SLC39A11: variants seen among roughly 807,000 people sequenced by gnomAD.
SLC39A11 encodes the protein solute carrier family 39 member 11, also known as zinc transporter ZIP11.
SLC39A11 carries 33 observed loss-of-function variants against 36.1 expected under a neutral mutation model. That is an observed-to-expected ratio of 0.91 (90% CI 0.69 to 1.22). The LOEUF is 1.22. Among genes scored for constraint, SLC39A11 ranks in the 50% most tolerant of loss-of-function variants. The pLI is 0.00. For missense variants in SLC39A11, 432 were observed against 430.3 expected, an observed-to-expected ratio of 1.00 and a Z score of -0.03; for synonymous variants, 166 against 170.3, an observed-to-expected ratio of 0.97 and a Z score of 0.20.
intron 5 of SLC39A11, among the ~76,000 whole-genome samples, chr17:72,947,285 G>A (rs1475606109): frequency 6.6e-6 from 1 of 150,920 alleles, no homozygotes; most frequent in Non-Finnish European, 1.5e-5. Context: ...CTGCACTCCA[G>A]CCTGAGCGAC....
At chr17:72,819,552 T>C (rs1223971941) in intron 6 of SLC39A11, among the ~76,000 whole-genome samples, 1 of 151,290 alleles carries the variant, frequency 6.6e-6, no homozygotes, top group African/African-American at 2.4e-5. Context: ...CTTCTCTACT[T>C]CAGGCAGGAA....
At chr17:72,942,475 C>T (rs569087624) in intron 5 of SLC39A11, among the ~76,000 whole-genome samples, 3 of 152,066 alleles carry the variant, frequency 2.0e-5, no homozygotes, top group African/African-American at 7.2e-5. Flanking sequence ...AGAGACTTCC[C>T]CAAACACATT....
At chr17:72,733,875 C>A (rs2074324924) in intron 7 of SLC39A11, among the ~76,000 whole-genome samples, 1 of 152,140 alleles carries the variant, frequency 6.6e-6, no homozygotes, top group Non-Finnish European at 1.5e-5. Context: ...GCAGGGCTGG[C>A]TTCTCTGGAC....
At chr17:73,079,298 T>C (rs1459197132) in intron 3 of SLC39A11, among the ~76,000 whole-genome samples, 2 of 152,152 alleles carry the variant, frequency 1.3e-5, no homozygotes, top group Non-Finnish European at 2.9e-5. Context: ...GGTTTCACCA[T>C]GTTGGTCACG....
rs535263354 is a variant in SLC39A11 at position 72,723,095 on chromosome 17, C to A, written c.671+13555G>T. Among the ~76,000 whole-genome samples the A allele has an allele frequency of 2.0e-5, 3 of 152,282 alleles. No homozygotes were observed. In the East Asian group the frequency reaches 5.8e-4, roughly 29 times the overall value. ...GGGACGTCTTCATTGTCCAACAAAG[C>A]CCAACAGTCTCATAGCCATGGATAC... is the stretch of plus-strand genomic sequence containing the variant. On this transcript the variant is annotated intron_variant, in intron 7 of 9. Transcript: ENST00000255559.
chr17:72,862,998 A>G (rs2080121831), intron 5 of SLC39A11, among the ~76,000 whole-genome samples: 1 of 152,214 alleles, frequency 6.6e-6, no homozygotes, highest in East Asian at 1.9e-4. Flanking sequence ...GGGGAGCTTG[A>G]GCAAAGTGCA....
chr17:72,977,771 T>C (rs1173123619), intron 4 of SLC39A11, among the ~76,000 whole-genome samples: 8 of 152,168 alleles, frequency 5.3e-5, no homozygotes, highest in Admixed American at 3.9e-4. Context: ...GGTAGTGATA[T>C]TATCCAAAGG....
At chr17:72,714,931 G>C (rs1479780808) in intron 7 of SLC39A11, among the ~76,000 whole-genome samples, 1 of 152,190 alleles carries the variant, frequency 6.6e-6, no homozygotes, top group Admixed American at 6.5e-5. Context: ...GAAAAGCATG[G>C]AATCAAGGAT....
chr17:72,985,484 C>G (rs1237396905), intron 4 of SLC39A11, among the ~76,000 whole-genome samples: 1 of 141,706 alleles, frequency 7.1e-6, no homozygotes, highest in Non-Finnish European at 1.5e-5. Context: ...GCCATCTCGG[C>G]TCACTGCAAC....
At chr17:73,051,225 T>C (rs1024417788) in intron 3 of SLC39A11, among the ~76,000 whole-genome samples, 6 of 151,774 alleles carry the variant, frequency 4.0e-5, no homozygotes, top group Non-Finnish European at 8.9e-5. Context: ...CCCTCACCTG[T>C]CTGTTTGTCT....
intron 7 of SLC39A11, among the ~76,000 whole-genome samples, chr17:72,709,893 A>G (rs548173318): frequency 1.3e-5 from 2 of 152,334 alleles, no homozygotes; most frequent in East Asian, 3.9e-4. Context: ...CTTTTCATTA[A>G]ATTCAACTAA....
chr17:72,947,853 G>A lies in SLC39A11; in HGVS notation c.329C>T (p.Thr110Met), dbSNP rs1467847263. The change falls in exon 5 of 10, where the codon ACG (threonine) becomes ATG (methionine). Residue 110 changes from threonine (T) to methionine (M), a missense_variant. Thr to Met is a moderately conservative substitution (Grantham distance 81). Transcript: ENST00000255559. ...PHLGAAEDPQTTLALNFGSTL... is the reference protein window; with the variant it reads ...PHLGAAEDPQMTLALNFGSTL... ...AGAGCCGAAGTTCAGTGCCAGGGTCGTCTGGGGGTCTTCTGCTGCACCCTG... is the reference window on the plus strand; with the variant it reads ...AGAGCCGAAGTTCAGTGCCAGGGTCATCTGGGGGTCTTCTGCTGCACCCTG... 1.5e-5 allele frequency: 24 copies of A among 1,613,844 alleles called. No individual in the cohort carries two copies. The highest frequency in any genetic ancestry group is 4.0e-5 in the African/African-American group (3 of 74,912).
chr17:72,736,371 C>T (rs1018457864), intron 7 of SLC39A11, among the ~76,000 whole-genome samples: 2 of 152,182 alleles, frequency 1.3e-5, no homozygotes, highest in African/African-American at 2.4e-5. Context: ...TTAGTCTTCA[C>T]ACCTTTGAAG....
chr17:72,731,794 T>C (rs896983968), intron 7 of SLC39A11, among the ~76,000 whole-genome samples: 1 of 152,020 alleles, frequency 6.6e-6, no homozygotes, highest in Non-Finnish European at 1.5e-5. Flanking sequence ...TGGCGCGATC[T>C]TGGCACACTG....
At chr17:73,005,067 C>A (rs1442532595) in intron 4 of SLC39A11, among the ~76,000 whole-genome samples, 1 of 152,200 alleles carries the variant, frequency 6.6e-6, no homozygotes, top group East Asian at 1.9e-4. Flanking sequence ...GTGAACTCAG[C>A]TCAACTGCAA....
At chr17:72,963,289 G>T (rs2086751183) in intron 4 of SLC39A11, among the ~76,000 whole-genome samples, 1 of 146,436 alleles carries the variant, frequency 6.8e-6, no homozygotes, top group African/African-American at 2.5e-5. Flanking sequence ...TCCTTCCTCA[G>T]CCTCCAGAGT....
chr17:72,934,569 G>A (rs1227995122), intron 5 of SLC39A11, among the ~76,000 whole-genome samples: 1 of 152,172 alleles, frequency 6.6e-6, no homozygotes, highest in Non-Finnish European at 1.5e-5. Flanking sequence ...GGGTGGCTGA[G>A]GCAGGAGAAT....
chr17:72,701,162 C>A (rs906881702), intron 7 of SLC39A11, among the ~76,000 whole-genome samples: 11 of 152,202 alleles, frequency 7.2e-5, no homozygotes, highest in African/African-American at 1.9e-4. Flanking sequence ...CAGTTCTCAC[C>A]CAGATGTTTG....
At chr17:72,884,500 A>G (rs1384382239) in intron 5 of SLC39A11, among the ~76,000 whole-genome samples, 4 of 152,216 alleles carry the variant, frequency 2.6e-5, no homozygotes, top group Admixed American at 1.3e-4. Context: ...GGCTTTATTT[A>G]ATGTTCAATA....
Sources: gnomAD v4.1 joint callset for allele counts (sites outside exome capture counted in the v4.1 genomes callset) on GRCh38, gnomAD v4.1.1 for gene constraint, MANE v1.5 for transcripts, NCBI Gene and HGNC (gene_info 2026-07-23, HGNC 2026-07-21) for gene names.